Variants in DPH6 observed in about 807,000 individuals in gnomAD.
The protein encoded by DPH6 is diphthine--ammonia ligase.
DPH6 carries 33 observed loss-of-function variants against 38.2 expected under a neutral mutation model. The ratio of observed to expected loss-of-function variants is 0.86; its 90% CI spans 0.65 to 1.15. The LOEUF is 1.15. Ranked by LOEUF, DPH6 falls within the 50% of genes most tolerant of loss-of-function variation. The pLI is 0.00. For synonymous variants in DPH6, 108 were observed against 103.0 expected, an observed-to-expected ratio of 1.05 and a Z score of -0.30; for missense variants, 325 against 320.0, an observed-to-expected ratio of 1.02 and a Z score of -0.12.
At chr15:35,195,156 A>C in the DPH6 span, among the ~76,000 whole-genome samples, 2 of 152,190 alleles carry the variant, frequency 1.3e-5, no homozygotes, top group Admixed American at 6.5e-5. Context: ...CATATGAGTG[A>C]GAACATGCAA....
intron 3 of DPH6, among the ~76,000 whole-genome samples, chr15:35,253,056 A>T (rs1453194334): frequency 6.6e-6 from 1 of 152,242 alleles, no homozygotes; most frequent in South Asian, 2.1e-4. Flanking sequence ...CAGTTTCTTT[A>T]TCTGCATATT....
chr15:35,379,819 C>T (rs931767916), intron 7 of DPH6, among the ~76,000 whole-genome samples: 8 of 152,030 alleles, frequency 5.3e-5, no homozygotes, highest in African/African-American at 1.4e-4. Context: ...ATTAGTCCAA[C>T]AGTATTTAGC....
chr15:35,480,654 A>C (rs1293725484), intron 3 of DPH6, among the ~76,000 whole-genome samples: 1 of 152,048 alleles, frequency 6.6e-6, no homozygotes, highest in Non-Finnish European at 1.5e-5. Flanking sequence ...ACTAATATTT[A>C]ATTTAATAAT....
At chr15:35,337,229 T>C (rs1007107691) in intron 3 of DPH6, among the ~76,000 whole-genome samples, 1 of 152,230 alleles carries the variant, frequency 6.6e-6, no homozygotes, top group Non-Finnish European at 1.5e-5. Flanking sequence ...CTAGTTTATT[T>C]GCATAGAGGT....
chr15:35,498,833 T>C (rs2054589504), intron 3 of DPH6, among the ~76,000 whole-genome samples: 2 of 150,488 alleles, frequency 1.3e-5, no homozygotes, highest in South Asian at 4.2e-4. Context: ...TTAAACCGGG[T>C]GCAGCTGCTC....
chr15:35,275,625 G>T (rs1008740589), intron 3 of DPH6, among the ~76,000 whole-genome samples: 1 of 151,660 alleles, frequency 6.6e-6, no homozygotes, highest in African/African-American at 2.4e-5. Flanking sequence ...CCTAGATGAT[G>T]GGTTGATAGA....
At chr15:35,545,936 A>C (rs1310553167) in intron 1 of DPH6, among the ~76,000 whole-genome samples, 183 bp downstream of exon 1, 2 of 152,144 alleles carry the variant, frequency 1.3e-5, no homozygotes, top group Non-Finnish European at 2.9e-5. Flanking sequence ...CGCGCCAGCC[A>C]GGGGCCGAGG....
At chr15:35,350,135 GTCTACAAAGAATTT>G (rs1413415516) in intron 3 of DPH6, among the ~76,000 whole-genome samples, 2 of 152,046 alleles carry the variant, frequency 1.3e-5, no homozygotes, top group African/African-American at 4.8e-5. Context: ...CTCGTTATTG[GTCTACAAAGAATTT>G]TTATTTCTTC....
intron 3 of DPH6, among the ~76,000 whole-genome samples, chr15:35,296,906 G>A (rs1400787211): frequency 2.4e-5 from 3 of 124,880 alleles, no homozygotes; most frequent in Non-Finnish European, 4.5e-5. Context: ...CCGGGTTCAC[G>A]CCATTCTCCT....
chr15:35,498,173 T>C (rs909467888), intron 3 of DPH6, among the ~76,000 whole-genome samples: 40 of 152,290 alleles, frequency 2.6e-4, no homozygotes, highest in African/African-American at 9.4e-4. Context: ...ACAACCTTAA[T>C]ACTATCTCAA....
intron 4 of DPH6, among the ~76,000 whole-genome samples, 196 bp from the exon 5 acceptor site, chr15:35,450,999 T>G (rs981805252): frequency 6.6e-6 from 1 of 152,184 alleles, no homozygotes; most frequent in Non-Finnish European, 1.5e-5. Context: ...ATGCATAAAC[T>G]GATAAAAATG....
intron 3 of DPH6, among the ~76,000 whole-genome samples, chr15:35,518,755 T>G (rs2054881759): frequency 6.6e-6 from 1 of 152,026 alleles, no homozygotes. Flanking sequence ...GTGTTCTAGA[T>G]TCTATATTAA....
intron 3 of DPH6, among the ~76,000 whole-genome samples, chr15:35,358,224 G>C (rs148488039): frequency 2.6e-5 from 4 of 152,070 alleles, no homozygotes; most frequent in African/African-American, 9.6e-5. Context: ...AAAGTTTTCT[G>C]AATTTTTGAT....
chr15:35,450,054 T>C (rs1334265981), intron 5 of DPH6, among the ~76,000 whole-genome samples: 30 of 152,102 alleles, frequency 2.0e-4, no homozygotes, highest in Admixed American at 2.0e-3. Context: ...AAAATGAATA[T>C]AATTATAGAA....
chr15:35,427,603 A>G (rs2053585332), intron 5 of DPH6, among the ~76,000 whole-genome samples: 1 of 151,912 alleles, frequency 6.6e-6, no homozygotes, highest in Admixed American at 6.6e-5. Flanking sequence ...CTAAGGTCAA[A>G]TTGCCCACTG....
At chr15:35,230,016 C>A (rs926871582) in intron 3 of DPH6, among the ~76,000 whole-genome samples, 1 of 152,164 alleles carries the variant, frequency 6.6e-6, no homozygotes, top group Non-Finnish European at 1.5e-5. Context: ...TGAGTCTCAC[C>A]CAGGCCTGCT....
rs181735926 is a variant in DPH6 at position 35,411,868 on chromosome 15, A to G, written c.506-972T>C. On this transcript the variant is annotated intron_variant, in intron 5 of 8. Transcript: ENST00000256538. ...ACTCTTCACAAAATTAACTTAAAAC[A>G]GATTGTAGACATAAAGGCAAAATGC... Among the ~76,000 whole-genome samples, 156 of 151,790 alleles carry G rather than the reference A, an allele frequency of 1.0e-3. 1 individual carries two copies. The highest frequency in any genetic ancestry group is 3.6e-3 in the African/African-American group (151 of 41,452).
chr15:35,463,255 T>C (rs2054087473), intron 3 of DPH6, among the ~76,000 whole-genome samples: 1 of 152,136 alleles, frequency 6.6e-6, no homozygotes, highest in Non-Finnish European at 1.5e-5. Context: ...GTGCATCCTT[T>C]CTGAAAAATA....
intron 3 of DPH6, among the ~76,000 whole-genome samples, chr15:35,317,048 A>G (rs1036244904): frequency 6.6e-6 from 1 of 152,168 alleles, no homozygotes; most frequent in African/African-American, 2.4e-5. Context: ...GCTTGAGCCA[A>G]GGAGTTTGAG....
Sources: allele counts gnomAD v4.1 joint callset (sites outside exome capture counted in the v4.1 genomes callset), GRCh38; gene constraint gnomAD v4.1.1; transcripts MANE v1.5; gene names NCBI Gene and HGNC (gene_info 2026-07-23, HGNC 2026-07-21).